Variants in GPR137B observed in about 807,000 individuals in gnomAD.
The protein encoded by GPR137B is G protein-coupled receptor 137B.
GPR137B carries 42 observed loss-of-function variants against 42.5 expected under a neutral mutation model. The observed-to-expected ratio is 0.99, with a 90% CI of 0.77 to 1.28. GPR137B has a LOEUF of 1.28. Ranked by LOEUF, GPR137B falls within the 50% of genes most tolerant of loss-of-function variation. The probability of loss-of-function intolerance (pLI) is 0.00; values close to 1 mark genes in which losing one functional copy is unlikely to be tolerated. For synonymous variants in GPR137B, 218 were observed against 209.7 expected, an observed-to-expected ratio of 1.04 and a Z score of -0.34; for missense variants, 487 against 493.9, an observed-to-expected ratio of 0.99 and a Z score of 0.13.
At chr1:236,180,078 C>G in intron 4 of GPR137B, 50 bp downstream of exon 4, 1 of 1,516,004 alleles carries the variant, frequency 6.6e-7, no homozygotes, top group Non-Finnish European at 9.2e-7. Flanking sequence ...CTCTTGGTAT[C>G]CTCGAGGCAT....
At position 236,208,840 on chromosome 1, in the gene GPR137B, AATG is replaced by A. The variant is rs551747330; in HGVS notation, c.*685_*687del. 1.2e-4 allele frequency: 119 copies of A among 983,116 alleles called. 1 individual carries two copies. In the South Asian group the frequency reaches 5.1e-3, roughly 42 times the overall value. The allele number at this position is 983,116 out of a possible 1,614,324, so 60.9% of individuals were successfully genotyped here. On this transcript the variant is annotated 3_prime_UTR_variant, in exon 7 of 7. Transcript: ENST00000366592. Reference sequence around the variant, plus strand: ...AGTAGGGCGCTAATGTATACACATTAATGATAAGTTGATAACATTAAAAATGTA... The same window carrying A: ...AGTAGGGCGCTAATGTATACACATTAATAAGTTGATAACATTAAAAATGTA...
In GPR137B at chr1:236,179,882, T is replaced by C; in HGVS notation, c.691T>C (p.Ser231Pro). The change falls in exon 4 of 7, where the codon TCC becomes CCC. Residue 231 changes from serine to proline, a missense_variant. Physicochemically the swap from Ser to Pro is moderately conservative, Grantham distance 74. Coordinates refer to ENST00000366592, the MANE Select transcript of GPR137B (RefSeq NM_003272.4). The stretch of plus-strand genomic sequence containing the variant: ...CCTTCTGCTCCCTCTTTTCCAGGGC[T>C]CCTCCGTGTGTCAAGTGACTGCCAT... Reference protein sequence around the residue: ...LANIYLESKGSSVCQVTAIGV... With the variant: ...LANIYLESKGPSVCQVTAIGV... 6.3e-7 allele frequency: 1 copy of C among 1,576,118 alleles called. No individual in the cohort carries two copies. The highest frequency in any genetic ancestry group is 8.6e-7 in the Non-Finnish European group (1 of 1,161,722).
At chr1:236,173,457 G>A (rs1662606064) in intron 2 of GPR137B, among the ~76,000 whole-genome samples, 1 of 151,726 alleles carries the variant, frequency 6.6e-6, no homozygotes, top group Non-Finnish European at 1.5e-5. Flanking sequence ...AAGGAAGGAA[G>A]GAATCGATGG....
In GPR137B at chr1:236,142,667, G is replaced by A. The variant is rs1204986508; in HGVS notation, c.45G>A (p.Pro15=). The change falls in exon 1 of 7, where the codon CCG becomes CCA. Residue 15 remains proline, a synonymous_variant. Coordinates refer to ENST00000366592, the MANE Select transcript of GPR137B (RefSeq NM_003272.4). ...RPRPRGSAPG[P]METPPWDPAR... ...GGCCGCGCGGCAGCGCCCCCGGCCCGATGGAGACCCCGCCGTGGGACCCAG... is the reference window on the plus strand; with the variant it reads ...GGCCGCGCGGCAGCGCCCCCGGCCCAATGGAGACCCCGCCGTGGGACCCAG... 10 of 1,542,844 alleles carry A rather than the reference G, an allele frequency of 6.5e-6. No homozygotes were observed. Among genetic ancestry groups the A allele is most frequent in the Non-Finnish European group, 7.0e-6 (8 of 1,150,172 alleles).
intron 5 of GPR137B, among the ~76,000 whole-genome samples, chr1:236,198,165 A>G (rs1031878314): frequency 1.3e-5 from 2 of 152,082 alleles, no homozygotes; most frequent in Non-Finnish European, 2.9e-5. Context: ...TTTTGGTTCC[A>G]TACGAATTTT....
At position 236,142,897 on chromosome 1, in the gene GPR137B, G is replaced by A; in HGVS notation, c.275G>A (p.Arg92Gln). The A allele has an allele frequency of 1.9e-6, 3 of 1,614,208 alleles. No homozygotes were observed. Among genetic ancestry groups the A allele is most frequent in the Non-Finnish European group, 2.5e-6 (3 of 1,180,028 alleles). Reference sequence around the variant, plus strand: ...CTCTGCCTCTTCTGGGCCTCCCTGCGGACCGTCCTCTTCTCCTTCTACTTC... The same window carrying A: ...CTCTGCCTCTTCTGGGCCTCCCTGCAGACCGTCCTCTTCTCCTTCTACTTC... Reference protein sequence around the residue: ...LFLCLFWASLRTVLFSFYFKD... With the variant: ...LFLCLFWASLQTVLFSFYFKD... Residue 92 changes from arginine to glutamine, a missense_variant, in exon 1 of 7, where the codon CGG becomes CAG. By Grantham distance (43) the Arg-to-Gln change is conservative. Coordinates refer to ENST00000366592, the MANE Select transcript of GPR137B (RefSeq NM_003272.4).
chr1:236,180,063 A>G (rs1427883270), intron 4 of GPR137B, 35 bp downstream of exon 4: 2 of 1,585,588 alleles, frequency 1.3e-6, no homozygotes. Context: ...TCACCTGACC[A>G]GGGACTCTTG....
rs750027184 is a variant in GPR137B at position 236,205,190 on chromosome 1, G to A, written c.1031G>A (p.Arg344Gln). The change falls in exon 6 of 7, where the codon CGA becomes CAA. Residue 344 changes from arginine (R) to glutamine (Q), a missense_variant. By Grantham distance (43) the Arg-to-Gln change is conservative (BLOSUM62 1). Transcript: ENST00000366592. ...SPRSYFFDNPRRYDSDDDLAW... is the reference protein window; with the variant it reads ...SPRSYFFDNPQRYDSDDDLAW... Reference sequence around the variant, plus strand: ...AGATCTTATTTCTTTGACAACCCTCGAAGATATGACAGTGATGATGACCTT... The same window carrying A: ...AGATCTTATTTCTTTGACAACCCTCAAAGATATGACAGTGATGATGACCTT... 25 of 1,612,218 alleles carry A rather than the reference G, an allele frequency of 1.6e-5. No individual in the cohort carries two copies. The highest frequency in any genetic ancestry group is 2.2e-5 in the East Asian group (1 of 44,870).
Position 236,205,114 on chromosome 1 carries a change from C to T in GPR137B, c.967-12C>T. The T allele has an allele frequency of 1.2e-6, 2 of 1,609,162 alleles. No homozygotes were observed. Among genetic ancestry groups the T allele is most frequent in the Non-Finnish European group, 1.7e-6 (2 of 1,176,108 alleles). On this transcript the variant is annotated splice_polypyrimidine_tract_variant and intron_variant, in intron 5 of 6. Coordinates refer to ENST00000366592, the MANE Select transcript of GPR137B (RefSeq NM_003272.4). Reference sequence around the variant, plus strand: ...GTCTGTAAGTATGCTGAATGATTACCTGTCTTTCTAGACCAACCCTGGAAT... The same window carrying T: ...GTCTGTAAGTATGCTGAATGATTACTTGTCTTTCTAGACCAACCCTGGAAT...
chr1:236,189,419 A>G (rs1663125699), intron 5 of GPR137B, among the ~76,000 whole-genome samples: 1 of 152,072 alleles, frequency 6.6e-6, no homozygotes, highest in Non-Finnish European at 1.5e-5. Flanking sequence ...TAGGGTGTCA[A>G]TTTTAGATCT....
Position 236,208,045 on chromosome 1 carries a change from T to G in GPR137B, c.1092-5T>G, listed in dbSNP as rs762211078. On this transcript the variant is annotated splice_region_variant and splice_polypyrimidine_tract_variant and intron_variant, in intron 6 of 6. Coordinates refer to ENST00000366592, the MANE Select transcript of GPR137B (RefSeq NM_003272.4). ...AAGTCACTGAAATATTTTTTTCTTTTTAAGTTTTGCTCCAGATTACTATGA... is the reference window on the plus strand; with the variant it reads ...AAGTCACTGAAATATTTTTTTCTTTGTAAGTTTTGCTCCAGATTACTATGA... 1 of 1,606,556 alleles carries G rather than the reference T, an allele frequency of 6.2e-7. No homozygotes were observed. The highest frequency in any genetic ancestry group is 8.5e-7 in the Non-Finnish European group (1 of 1,173,590).
chr1:236,185,010 G>A (rs920882646), intron 5 of GPR137B, among the ~76,000 whole-genome samples: 2 of 152,102 alleles, frequency 1.3e-5, no homozygotes, highest in Non-Finnish European at 2.9e-5. Context: ...CAGGTGATCC[G>A]ACCGCCTCAG....
intron 5 of GPR137B, among the ~76,000 whole-genome samples, chr1:236,184,887 C>A (rs1662978221): frequency 6.6e-6 from 1 of 152,108 alleles, no homozygotes; most frequent in Admixed American, 6.6e-5. Context: ...CTGCCTCAGC[C>A]TCCCAAGTAG....
At position 236,142,593 on chromosome 1, in the gene GPR137B, C is replaced by G; in HGVS notation, c.-30C>G. The G allele has an allele frequency of 7.8e-7, 1 of 1,278,806 alleles. No individual in the cohort carries two copies. The highest frequency in any genetic ancestry group is 9.9e-7 in the Non-Finnish European group (1 of 1,013,504). 79.2% of individuals were successfully genotyped at this position (1,278,806 alleles called of 1,614,324 possible). On this transcript the variant is annotated 5_prime_UTR_variant, in exon 1 of 7. Transcript: ENST00000366592. ...GGCTGAGCGCGATGCGCGGAGACCC[C>G]CGCGGGGGCGGCGGCGGCCGTGAGC...
In GPR137B at chr1:236,208,820, G is replaced by C; in HGVS notation, c.*662G>C. ...AAAGACTGGTACTTCCTTTCAGTAGGGCGCTAATGTATACACATTAATGAT... is the reference window on the plus strand; with the variant it reads ...AAAGACTGGTACTTCCTTTCAGTAGCGCGCTAATGTATACACATTAATGAT... On this transcript the variant is annotated 3_prime_UTR_variant, in exon 7 of 7. Coordinates refer to ENST00000366592, the MANE Select transcript of GPR137B (RefSeq NM_003272.4). 1.0e-6 allele frequency: 1 copy of C among 983,806 alleles called. No homozygotes were observed. The highest frequency in any genetic ancestry group is 1.1e-4 in the East Asian group (1 of 8,824). The allele number at this position is 983,806 out of a possible 1,614,324, so 60.9% of individuals were successfully genotyped here. A position where few individuals can be genotyped will look rare whatever the true frequency, so the allele number is the denominator to read the frequency against.
At chr1:236,159,558 A>G (rs1662128584) in intron 1 of GPR137B, among the ~76,000 whole-genome samples, 1 of 151,892 alleles carries the variant, frequency 6.6e-6, no homozygotes, top group Admixed American at 6.6e-5. Context: ...TTGTAATCCC[A>G]GCTACTCGGG....
intron 2 of GPR137B, among the ~76,000 whole-genome samples, chr1:236,172,068 T>C (rs1662552397): frequency 6.6e-6 from 1 of 151,876 alleles, no homozygotes; most frequent in Non-Finnish European, 1.5e-5. Flanking sequence ...GTGAGATGTT[T>C]AGGCCAGTGA....
chr1:236,204,275 T>TA (rs1558497421), intron 5 of GPR137B, among the ~76,000 whole-genome samples: 1 of 152,236 alleles, frequency 6.6e-6, no homozygotes, highest in Non-Finnish European at 1.5e-5. Flanking sequence ...TCATGATGAA[T>TA]AATCTTTCCA....
chr1:236,184,782 T>A (rs1486693634), intron 5 of GPR137B, among the ~76,000 whole-genome samples: 3 of 152,142 alleles, frequency 2.0e-5, no homozygotes, highest in Non-Finnish European at 4.4e-5. Context: ...TTTTTTTTCT[T>A]TTGAGATGAA....
Sources: allele counts gnomAD v4.1 joint callset (sites outside exome capture counted in the v4.1 genomes callset), GRCh38; gene constraint gnomAD v4.1.1; transcripts MANE v1.5; gene names NCBI Gene and HGNC (gene_info 2026-07-23, HGNC 2026-07-21).